Variants in ADGRB1 observed in about 807,000 individuals in gnomAD.
ADGRB1 encodes the protein brain-specific angiogenesis inhibitor 1.
Under a neutral mutation model 175.7 loss-of-function variants are expected in ADGRB1, and 36 were observed. The ratio of observed to expected loss-of-function variants is 0.20; its 90% CI spans 0.16 to 0.27. ADGRB1 has a LOEUF of 0.27. ADGRB1 is among the 10% of genes least tolerant of loss of function. The pLI, the probability that ADGRB1 is intolerant of heterozygous loss-of-function variation, is 1.00. For synonymous variants in ADGRB1, 1,054 were observed against 979.4 expected (o/e 1.08, Z -1.42); for missense variants, 1,731 against 2,255.3 (o/e 0.77, Z 4.71).
At chr8:142,520,460 G>GAT in intron 19 of ADGRB1, among the ~76,000 whole-genome samples, 1 of 98,840 alleles carries the variant, frequency 1.0e-5, no homozygotes, top group Admixed American at 1.1e-4. Flanking sequence ...TGATGGTGGT[G>GAT]GTGGTGGTGG....
intron 18 of ADGRB1, among the ~76,000 whole-genome samples, chr8:142,516,751 G>A (rs1401646775): frequency 8.6e-5 from 13 of 152,006 alleles, no homozygotes; most frequent in South Asian, 6.2e-4. Flanking sequence ...TCCCAGGTGC[G>A]TGTGTCTGTG....
At position 142,514,335 on chromosome 8, in the gene ADGRB1, G is replaced by A. The variant is rs1288811313; in HGVS notation, c.2817+3262G>A. On this transcript the variant is annotated intron_variant, in intron 18 of 30. Transcript: ENST00000517894. ...ACGAGTCCTCCTCTAGAGCTGGCCT[G>A]GAGCCAGGGTGTCGGCGCAGATGCG... Among the ~76,000 whole-genome samples the A allele has an allele frequency of 4.6e-5, 7 of 152,214 alleles. No individual in the cohort carries two copies. The South Asian group carries it at 1.0e-3, about 23-fold the overall frequency.
chr8:142,494,741 C>T (rs1842134642), intron 17 of ADGRB1, among the ~76,000 whole-genome samples: 1 of 151,584 alleles, frequency 6.6e-6, no homozygotes, highest in South Asian at 2.1e-4. Flanking sequence ...GCCCAAACAC[C>T]CTGGGTCATC....
chr8:142,527,095 G>A (rs1169358779), intron 24 of ADGRB1, among the ~76,000 whole-genome samples: 1 of 152,176 alleles, frequency 6.6e-6, no homozygotes. Flanking sequence ...TGGAGCTGAT[G>A]TTCCTCCCTC....
At position 142,490,846 on chromosome 8, in the gene ADGRB1, G is replaced by C. The variant is rs1321444801; in HGVS notation, c.2675+31G>C. ...TTCACTTGGATTTCATGGCCGTGGG[G>C]GTCTGGGGTGGGGTTCGTGGGAGGC... On this transcript the variant is annotated intron_variant, in intron 17 of 30. Transcript: ENST00000517894. 4.5e-6 allele frequency: 7 copies of C among 1,562,466 alleles called. No individual in the cohort carries two copies. The African/African-American group carries it at 9.5e-5, about 21-fold the overall frequency.
intron 1 of ADGRB1, among the ~76,000 whole-genome samples, chr8:142,454,933 T>A (rs959351396): frequency 1.3e-5 from 2 of 152,044 alleles, no homozygotes; most frequent in Non-Finnish European, 2.9e-5. Flanking sequence ...GGGGCTACCC[T>A]GCCTGGAGGG....
chr8:142,506,589 G>A (rs908047633), intron 17 of ADGRB1, among the ~76,000 whole-genome samples: 2 of 152,264 alleles, frequency 1.3e-5, no homozygotes, highest in African/African-American at 4.8e-5. Flanking sequence ...GTCGCTGTGT[G>A]CGAGGAGGGA....
At chr8:142,540,530 C>T (rs1223464812) in intron 27 of ADGRB1, among the ~76,000 whole-genome samples, 5 of 7,818 alleles carry the variant, frequency 6.4e-4, no homozygotes, top group Admixed American at 2.1e-3. Flanking sequence ...TTCCTCAGAG[C>T]GGGAGGGTGG....
chr8:142,507,847 C>T (rs10107854), intron 17 of ADGRB1, among the ~76,000 whole-genome samples: 14,273 of 152,160 alleles, frequency 0.094, 1,255 homozygotes, highest in African/African-American at 0.24. Context: ...CAGGGAAAAG[C>T]GGTCTGCAGG....
chr8:142,482,300 ACTGAGCCCTGATCCTGGTCACATT>A (rs1563698331), intron 11 of ADGRB1, among the ~76,000 whole-genome samples: 1 of 133,174 alleles, frequency 7.5e-6, no homozygotes, highest in East Asian at 2.5e-4. Flanking sequence ...TCCTGGTCAC[ACTGAGCCCTGATCCTGGTCACATT>A]CTGAGCCCTG....
In ADGRB1 at chr8:142,475,643, C is replaced by T; in HGVS notation, c.946+8C>T. ...ACCGCGAGGCCTGCGGCCGTGAGTG[C>T]GGGCGGGGCGGGGCGGAGCCGGAGC... On this transcript the variant is annotated splice_region_variant and intron_variant, in intron 3 of 30. Transcript: ENST00000517894. The T allele has an allele frequency of 9.1e-7, 1 of 1,103,682 alleles. No individual in the cohort carries two copies. Among genetic ancestry groups the T allele is most frequent in the South Asian group, 4.4e-5 (1 of 22,914 alleles). 68.4% of individuals were successfully genotyped at this position (1,103,682 alleles called of 1,614,324 possible). A position where few individuals can be genotyped will look rare whatever the true frequency, so the allele number is the denominator to read the frequency against.
rs371249984 is a variant in ADGRB1 at position 142,452,531 on chromosome 8, C to T, written c.-220+2427C>T. ...CCTCTCGGACCTCGGTGGCCGCGTCCGTGAAATGGGGACGCGGGCTCTGCT... is the reference window on the plus strand; with the variant it reads ...CCTCTCGGACCTCGGTGGCCGCGTCTGTGAAATGGGGACGCGGGCTCTGCT... On this transcript the variant is annotated intron_variant, in intron 1 of 30. Coordinates refer to ENST00000517894, the MANE Select transcript of ADGRB1 (RefSeq NM_001702.3). 6.0e-3 allele frequency among the ~76,000 whole-genome samples: 913 copies of T among 152,288 alleles called. 18 individuals carry two copies. In the South Asian group the frequency reaches 0.08, roughly 13 times the overall value.
rs781658799 is a variant in ADGRB1 at position 142,484,705 on chromosome 8, A to T, written c.2249A>T (p.Asp750Val). The T allele has an allele frequency of 1.2e-5, 19 of 1,612,154 alleles. No individual in the cohort carries two copies. Residue 750 changes from aspartate to valine, a missense_variant, in exon 13 of 31, where the codon GAC becomes GTC. Asp to Val is a radical substitution (Grantham distance 152). Transcript: ENST00000517894. ...TTCCGGCTGGTGGAGGACTTTGTGG[A>T]CGTCATCGGCTTCCGCATGAAGGAC... ...ELFRLVEDFV[D>V]VIGFRMKDLR... is the part of the protein sequence containing the mutation.
rs1467227787 is a variant in ADGRB1 at position 142,504,288 on chromosome 8, G to C, written c.2676-6644G>C. Among the ~76,000 whole-genome samples, 1 of 152,190 alleles carries C rather than the reference G, an allele frequency of 6.6e-6. No individual in the cohort carries two copies. ...AGGCAGTGGCTCCAGGAGCCCTGGA[G>C]GGGGAGGCTAATCACACAGGATGCG... On this transcript the variant is annotated intron_variant, in intron 17 of 30. Transcript: ENST00000517894. This position sits in a 1 kb window ranked among gnomAD's most constrained non-coding sequence, Gnocchi z 5.6.
At chr8:142,514,002 C>G (rs1010784396) in intron 18 of ADGRB1, among the ~76,000 whole-genome samples, 1 of 151,764 alleles carries the variant, frequency 6.6e-6, no homozygotes, top group Non-Finnish European at 1.5e-5. Flanking sequence ...ACCCAGGGGT[C>G]CCAGCAGGAG....
intron 24 of ADGRB1, among the ~76,000 whole-genome samples, chr8:142,529,294 G>A (rs1844441976): frequency 6.6e-6 from 1 of 152,106 alleles, no homozygotes; most frequent in African/African-American, 2.4e-5. Context: ...GAGTGTACAT[G>A]AGTGTGCATT....
chr8:142,481,790 C>T (rs1288036188), intron 11 of ADGRB1, 79 bp downstream of exon 11: 13 of 1,300,034 alleles, frequency 1.0e-5, no homozygotes, highest in Non-Finnish European at 1.2e-5. Context: ...AGAGATGGAT[C>T]CCCAACCCTG....
chr8:142,476,144 C>T (rs187707957), intron 3 of ADGRB1, among the ~76,000 whole-genome samples: 258 of 152,370 alleles, frequency 1.7e-3, no homozygotes, highest in African/African-American at 5.8e-3. Context: ...CATTTTTTAG[C>T]TGCTTCCATG....
Position 142,543,817 on chromosome 8 carries a change from T to C in ADGRB1, c.4557+109T>C. ...ATCCATCCATCCATCCATCCATCCA[T>C]TCGTTCATTCATTCATTCATTCGCC... On this transcript the variant is annotated intron_variant, in intron 30 of 30. Coordinates refer to ENST00000517894, the MANE Select transcript of ADGRB1 (RefSeq NM_001702.3). This position sits in a 1 kb window ranked among gnomAD's most constrained non-coding sequence, Gnocchi z 4.4. The C allele has an allele frequency of 9.1e-7, 1 of 1,101,464 alleles. No homozygotes were observed. The highest frequency in any genetic ancestry group is 1.3e-6 in the Non-Finnish European group (1 of 747,988). 68.2% of individuals were successfully genotyped at this position (1,101,464 alleles called of 1,614,324 possible).
Sources: allele counts gnomAD v4.1 joint callset (sites outside exome capture counted in the v4.1 genomes callset), GRCh38; gene constraint gnomAD v4.1.1; non-coding constraint Gnocchi (gnomAD v3.1); transcripts MANE v1.5; gene names NCBI Gene and HGNC (gene_info 2026-07-23, HGNC 2026-07-21).